The following AGAP1 variants were observed in gnomAD, a reference collection of about 807,000 sequenced individuals.
The protein encoded by AGAP1 is arf-GAP with GTPase, ANK repeat and PH domain-containing protein 1.
Under a neutral mutation model 105.3 loss-of-function variants are expected in AGAP1, and 29 were observed. The observed-to-expected ratio is 0.28, with a 90% CI of 0.21 to 0.38. AGAP1 has a LOEUF of 0.38. Ranked by LOEUF, AGAP1 falls within the 10% of genes least tolerant of loss-of-function variation. The pLI, the probability that AGAP1 is intolerant of heterozygous loss-of-function variation, is 1.00. For missense variants in AGAP1, 998 were observed against 1,165.1 expected (o/e 0.86, Z 2.09); for synonymous variants, 509 against 485.9 (o/e 1.05, Z -0.63).
Position 236,081,525 on chromosome 2 carries a change from G to A in AGAP1, c.2114+32244G>A, listed in dbSNP as rs1249515495. On this transcript the variant is annotated intron_variant, in intron 16 of 17. Coordinates refer to ENST00000304032, the MANE Select transcript of AGAP1 (RefSeq NM_001037131.3). ...CTGACCACTTGCAGACAGAAGTCAC[G>A]CCTCGTGGTCCAAAGCCACCAAGTC... Among the ~76,000 whole-genome samples, 3 of 152,150 alleles carry A rather than the reference G, an allele frequency of 2.0e-5. No homozygotes were observed. The South Asian group carries it at 6.2e-4, about 32-fold the overall frequency.
chr2:235,853,434 A>G (rs1056966445), intron 9 of AGAP1, among the ~76,000 whole-genome samples: 1 of 152,188 alleles, frequency 6.6e-6, no homozygotes, highest in Non-Finnish European at 1.5e-5. Context: ...GTACAGATAA[A>G]TCTCTCAATA....
rs1478688951 is a variant in AGAP1 at position 235,720,356 on chromosome 2, G to T, written c.310+2712G>T. 6.6e-6 allele frequency among the ~76,000 whole-genome samples: 1 copy of T among 152,190 alleles called. No individual in the cohort carries two copies. Among genetic ancestry groups the T allele is most frequent in the African/African-American group, 2.4e-5 (1 of 41,446 alleles). On this transcript the variant is annotated intron_variant, in intron 3 of 17. Transcript: ENST00000304032. The surrounding 1 kb of genome is among the most constrained non-coding windows in gnomAD (Gnocchi z 5.0). ...CTGTGTTGTCACCTGGGTGTGTGGA[G>T]ACTATCAAAGGGATGTGTTGTCCTC...
chr2:235,974,411 C>G (rs1023214188), intron 13 of AGAP1, among the ~76,000 whole-genome samples: 1 of 152,158 alleles, frequency 6.6e-6, no homozygotes, highest in Non-Finnish European at 1.5e-5. Context: ...AAATGCAGGA[C>G]CAGACTGGAT....
chr2:235,651,856 G>C (rs980156183), intron 1 of AGAP1, among the ~76,000 whole-genome samples: 1 of 152,174 alleles, frequency 6.6e-6, no homozygotes, highest in African/African-American at 2.4e-5. Flanking sequence ...GTTCCAGAAA[G>C]GATAAAGCGG....
At position 236,038,810 on chromosome 2, in the gene AGAP1, TC is replaced by T. The variant is rs1443985299; in HGVS notation, c.1801-1938del. ...AGGTACACAGAGAGACAGAGGCACA[TC>T]CCTTTGTATGTGTGTGTGTGTGTGT... On this transcript the variant is annotated intron_variant, in intron 14 of 17. Coordinates refer to ENST00000304032, the MANE Select transcript of AGAP1 (RefSeq NM_001037131.3). This position sits in a 1 kb window ranked among gnomAD's most constrained non-coding sequence, Gnocchi z 4.5. Among the ~76,000 whole-genome samples the T allele has an allele frequency of 8.9e-6, 1 of 112,314 alleles. No individual in the cohort carries two copies. The highest frequency in any genetic ancestry group is 1.8e-5 in the Non-Finnish European group (1 of 56,358). The allele number at this position is 112,314 out of a possible 152,430, so 73.7% of individuals were successfully genotyped here. A position where few individuals can be genotyped will look rare whatever the true frequency, so the allele number is the denominator to read the frequency against.
chr2:236,015,184 G>A (rs1326816929), intron 13 of AGAP1, among the ~76,000 whole-genome samples: 2 of 151,854 alleles, frequency 1.3e-5, no homozygotes, highest in Non-Finnish European at 2.9e-5. Context: ...CTTTATACAT[G>A]TGGGCACTCA....
rs933570368 is a variant in AGAP1, at chr2:235,737,036, A to T, written c.311-3927A>T. Among the ~76,000 whole-genome samples the T allele has an allele frequency of 1.3e-5, 2 of 152,160 alleles. No individual in the cohort carries two copies. The highest frequency in any genetic ancestry group is 6.5e-5 in the Admixed American group (1 of 15,282). On this transcript the variant is annotated intron_variant, in intron 3 of 17. Transcript: ENST00000304032. The surrounding 1 kb of genome is among the most constrained non-coding windows in gnomAD (Gnocchi z 4.5). ...GGTTCAAGTGTAGAAAATGAATTTT[A>T]AAGTGTTACCTACCTGCCAGCCCAG... is the stretch of plus-strand genomic sequence containing the variant.
chr2:235,564,440 T>C (rs1279335638), intron 1 of AGAP1, among the ~76,000 whole-genome samples: 1 of 152,210 alleles, frequency 6.6e-6, no homozygotes, highest in Non-Finnish European at 1.5e-5. Flanking sequence ...CGAGACTAGC[T>C]CCCTGCAAAT....
chr2:235,889,338 C>T lies in AGAP1; in HGVS notation c.1155+5889C>T, dbSNP rs959503390. Among the ~76,000 whole-genome samples, 4 of 152,092 alleles carry T rather than the reference C, an allele frequency of 2.6e-5. No homozygotes were observed. The highest frequency in any genetic ancestry group is 7.2e-5 in the African/African-American group (3 of 41,396). ...GGGCTGGTGTGAGGCTGAAAATGTACCTAGAATGGGTCGGCTGCCTGGGAA... is the reference window on the plus strand; with the variant it reads ...GGGCTGGTGTGAGGCTGAAAATGTATCTAGAATGGGTCGGCTGCCTGGGAA... On this transcript the variant is annotated intron_variant, in intron 10 of 17. Coordinates refer to ENST00000304032, the MANE Select transcript of AGAP1 (RefSeq NM_001037131.3). This position sits in a 1 kb window ranked among gnomAD's most constrained non-coding sequence, Gnocchi z 4.6.
intron 1 of AGAP1, among the ~76,000 whole-genome samples, chr2:235,563,371 G>A (rs370642725): frequency 3.3e-5 from 5 of 152,130 alleles, no homozygotes; most frequent in Admixed American, 6.5e-5. Context: ...TCACACTGCC[G>A]TGCCTCTTGC....
rs1480272808 is a variant in AGAP1 at position 236,036,443 on chromosome 2, C to G, written c.1646-118C>G. 7.4e-7 allele frequency: 1 copy of G among 1,342,596 alleles called. No homozygotes were observed. The allele number at this position is 1,342,596 out of a possible 1,614,324, so 83.2% of individuals were successfully genotyped here. On this transcript the variant is annotated intron_variant, in intron 13 of 17. Coordinates refer to ENST00000304032, the MANE Select transcript of AGAP1 (RefSeq NM_001037131.3). This position sits in a 1 kb window ranked among gnomAD's most constrained non-coding sequence, Gnocchi z 5.7. ...GCCGCCGTGGTTGTCCAGTGCCGTG[C>G]GCCTCACCGGTCCATGCAGGGGCAG...
chr2:235,854,505 C>G (rs1333951916), intron 9 of AGAP1, among the ~76,000 whole-genome samples: 1 of 152,208 alleles, frequency 6.6e-6, no homozygotes, highest in Non-Finnish European at 1.5e-5. Flanking sequence ...GGATGGCTGC[C>G]TCATTCCAGC....
rs995864340 is a variant in AGAP1 at position 235,625,263 on chromosome 2, A to G, written c.164-83916A>G. On this transcript the variant is annotated intron_variant, in intron 1 of 17. Coordinates refer to ENST00000304032, the MANE Select transcript of AGAP1 (RefSeq NM_001037131.3). The surrounding 1 kb of genome is among the most constrained non-coding windows in gnomAD (Gnocchi z 4.0). The stretch of plus-strand genomic sequence containing the variant: ...CCTGAACTGCTTCAGGGCACCCTAC[A>G]GGTCACTCAGGCCTCCAACTCTGGG... 6.6e-6 allele frequency among the ~76,000 whole-genome samples: 1 copy of G among 152,174 alleles called. No individual in the cohort carries two copies. The highest frequency in any genetic ancestry group is 1.5e-5 in the Non-Finnish European group (1 of 68,038).
chr2:236,085,041 T>C (rs978198850), intron 16 of AGAP1, among the ~76,000 whole-genome samples: 5 of 150,924 alleles, frequency 3.3e-5, no homozygotes, highest in African/African-American at 7.3e-5. Flanking sequence ...AGTGAAACCC[T>C]GTCTCTACTA....
At chr2:235,572,277 G>A (rs928363186) in intron 1 of AGAP1, among the ~76,000 whole-genome samples, 1 of 151,992 alleles carries the variant, frequency 6.6e-6, no homozygotes, top group Non-Finnish European at 1.5e-5. Flanking sequence ...GCATGGCTGT[G>A]TGACTTAGGA....
At chr2:235,859,649 CG>C (rs1559573589) in intron 9 of AGAP1, among the ~76,000 whole-genome samples, 1 of 151,554 alleles carries the variant, frequency 6.6e-6, no homozygotes, top group East Asian at 1.9e-4. Context: ...CGCATTTGTC[CG>C]GAAGGCCTTA....
At chr2:235,838,385 T>C (rs1227592107) in intron 9 of AGAP1, among the ~76,000 whole-genome samples, 3 of 152,228 alleles carry the variant, frequency 2.0e-5, no homozygotes, top group Non-Finnish European at 4.4e-5. Context: ...ACAGTTTCTG[T>C]AACATTTCAT....
chr2:235,851,841 G>T (rs375878516), intron 9 of AGAP1, among the ~76,000 whole-genome samples: 1 of 152,182 alleles, frequency 6.6e-6, no homozygotes, highest in African/African-American at 2.4e-5. Context: ...CACCTCGCAC[G>T]TCTCATCTGC....
chr2:235,867,936 C>A lies in AGAP1; in HGVS notation c.1051-15409C>A, dbSNP rs1277381315. On this transcript the variant is annotated intron_variant, in intron 9 of 17. Coordinates refer to ENST00000304032, the MANE Select transcript of AGAP1 (RefSeq NM_001037131.3). This position sits in a 1 kb window ranked among gnomAD's most constrained non-coding sequence, Gnocchi z 5.4. ...AGGTCAGTTTGGTTCCTGTCAGCCACAGTTTTAATACATGTTTATAGGGGG... is the reference window on the plus strand; with the variant it reads ...AGGTCAGTTTGGTTCCTGTCAGCCAAAGTTTTAATACATGTTTATAGGGGG... 6.6e-6 allele frequency among the ~76,000 whole-genome samples: 1 copy of A among 152,054 alleles called. No homozygotes were observed. The highest frequency in any genetic ancestry group is 2.4e-5 in the African/African-American group (1 of 41,386).
Sources: allele counts gnomAD v4.1 joint callset (sites outside exome capture counted in the v4.1 genomes callset), GRCh38; gene constraint gnomAD v4.1.1; non-coding constraint Gnocchi (gnomAD v3.1); transcripts MANE v1.5; gene names NCBI Gene and HGNC (gene_info 2026-07-23, HGNC 2026-07-21).